Variants in TMEM255B observed in about 807,000 individuals in gnomAD.
TMEM255B encodes family with sequence similarity 70, member B.
Under a neutral mutation model 34.5 loss-of-function variants are expected in TMEM255B, and 35 were observed. The observed-to-expected ratio is 1.01, with a 90% confidence interval of 0.77 to 1.34. The LOEUF (loss-of-function observed/expected upper bound fraction) is 1.34, where lower values mean the gene tolerates loss of function less well. Ranked by LOEUF, TMEM255B falls within the 40% of genes most tolerant of loss-of-function variation. The pLI is 0.00. For missense variants in TMEM255B, 432 were observed against 433.2 expected (o/e 1.00, Z 0.02); for synonymous variants, 206 against 201.2 (o/e 1.02, Z -0.20).
At position 113,816,148 on chromosome 13, in the gene TMEM255B, TTACTGGTCAGGGACACGAG is replaced by T; in HGVS notation, c.*4247_*4265del. ...GTGTTCTGGATGGGGAGAGGTGCAG[TTACTGGTCAGGGACACGAG>T]TTCTTTTCGGGGAGGCAAGCGTGTT... On this transcript the variant is annotated 3_prime_UTR_variant, in exon 9 of 9. Coordinates refer to ENST00000375353, the MANE Select transcript of TMEM255B (RefSeq NM_182614.4). The T allele has an allele frequency of 6.2e-6, 1 of 162,094 alleles. No homozygotes were observed. The highest frequency in any genetic ancestry group is 2.6e-5 in the African/African-American group (1 of 38,986). 10.0% of individuals were successfully genotyped at this position (162,094 alleles called of 1,614,324 possible).
At chr13:113,801,935 T>C in intron 7 of TMEM255B, 123 bp downstream of exon 7, 2 of 1,160,678 alleles carry the variant, frequency 1.7e-6, no homozygotes, top group South Asian at 3.3e-5. Flanking sequence ...AGCCCATGCG[T>C]CTGTCAGCAG....
intron 1 of TMEM255B, among the ~76,000 whole-genome samples, chr13:113,762,118 A>AAG (rs1296493956): frequency 3.3e-5 from 5 of 151,524 alleles, no homozygotes; most frequent in Admixed American, 2.0e-4. Flanking sequence ...AAAAAAAAAA[A>AAG]TCAAGGAAAT....
rs1435220693 is a variant in TMEM255B at position 113,799,870 on chromosome 13, G to T, written c.423+451G>T. The T allele has an allele frequency of 3.0e-6, 3 of 986,570 alleles. No individual in the cohort carries two copies. In the African/African-American group the frequency reaches 5.0e-5, roughly 16 times the overall value. 61.1% of individuals were successfully genotyped at this position (986,570 alleles called of 1,614,324 possible). On this transcript the variant is annotated intron_variant, in intron 5 of 8. Transcript: ENST00000375353. ...CGCGGGCGGCCGCCGCCTTCGCCAG[G>T]ACCGTCGGAGGGCACAGCTCTGTGA...
intron 3 of TMEM255B, among the ~76,000 whole-genome samples, chr13:113,778,630 G>A (rs1487290152): frequency 6.6e-6 from 1 of 151,510 alleles, no homozygotes; most frequent in Non-Finnish European, 1.5e-5. Context: ...CTGCTGTAAT[G>A]ATATGACGAT....
rs781089433 is a variant in TMEM255B, at chr13:113,766,125, G to A, written c.57G>A (p.Ser19=). The change falls in exon 2 of 9, where the codon TCG becomes TCA. Residue 19 remains serine, a synonymous_variant. Coordinates refer to ENST00000375353, the MANE Select transcript of TMEM255B (RefSeq NM_182614.4). ...LGLLDPAEGL[S]RRKKTSLWFV... ...CCTTCCTCCCCACAGAAGGGCTTTC[G>A]AGGAGGAAGAAGACGTCGCTCTGGT... 8.5e-5 allele frequency: 137 copies of A among 1,614,186 alleles called. No individual in the cohort carries two copies. Among genetic ancestry groups the A allele is most frequent in the Middle Eastern group, 3.3e-4 (2 of 6,054 alleles).
intron 8 of TMEM255B, among the ~76,000 whole-genome samples, chr13:113,809,137 A>T (rs1213453244): frequency 1.9e-4 from 8 of 42,708 alleles, no homozygotes; most frequent in South Asian, 1.0e-3. Flanking sequence ...TCCTGGGGGG[A>T]GGGGTTACTC....
At position 113,806,939 on chromosome 13, in the gene TMEM255B, G is replaced by A. The variant is rs1029267398; in HGVS notation, c.813+1911G>A. ...GGAATCGCATGGGTGCCAAGAACGT[G>A]CAGCCCAGAGCATAGCCTCGGTGGC... On this transcript the variant is annotated intron_variant, in intron 8 of 8. Transcript: ENST00000375353. This position sits in a 1 kb window ranked among gnomAD's most constrained non-coding sequence, Gnocchi z 4.2. Among the ~76,000 whole-genome samples the A allele has an allele frequency of 6.6e-6, 1 of 152,188 alleles. No homozygotes were observed. Among genetic ancestry groups the A allele is most frequent in the Admixed American group, 6.5e-5 (1 of 15,290 alleles).
intron 6 of TMEM255B, 97 bp from the exon 7 acceptor site, chr13:113,801,556 C>G: frequency 7.2e-7 from 1 of 1,391,702 alleles, no homozygotes; most frequent in Non-Finnish European, 9.6e-7. Flanking sequence ...TGATTTCCTC[C>G]CCCAGCCCTG....
intron 3 of TMEM255B, among the ~76,000 whole-genome samples, chr13:113,791,329 C>G (rs552999410): frequency 3.7e-4 from 57 of 152,354 alleles, no homozygotes; most frequent in African/African-American, 1.4e-3. Flanking sequence ...CTGAAAGTGG[C>G]CGGGGCATCT....
intron 3 of TMEM255B, among the ~76,000 whole-genome samples, chr13:113,782,974 G>A (rs921408159): frequency 6.6e-6 from 1 of 152,134 alleles, no homozygotes; most frequent in African/African-American, 2.4e-5. Context: ...TTCCTCGTTT[G>A]TGTTGTTAAA....
Position 113,799,431 on chromosome 13 carries a change from C to T in TMEM255B, c.423+12C>T, listed in dbSNP as rs1013145351. The T allele has an allele frequency of 6.2e-7, 1 of 1,612,262 alleles. No homozygotes were observed. Among genetic ancestry groups the T allele is most frequent in the African/African-American group, 1.3e-5 (1 of 74,904 alleles). ...TCTACCAGACAGAGGTGAGCAGGAG[C>T]ACTGAGATTCATGTGGGTTTTGCTC... On this transcript the variant is annotated intron_variant, in intron 5 of 8. Coordinates refer to ENST00000375353, the MANE Select transcript of TMEM255B (RefSeq NM_182614.4).
chr13:113,781,183 T>C (rs1252942026), intron 3 of TMEM255B, among the ~76,000 whole-genome samples: 2 of 152,244 alleles, frequency 1.3e-5, no homozygotes, highest in Non-Finnish European at 2.9e-5. Context: ...TATAACTCTT[T>C]ACAATTTTTG....
intron 3 of TMEM255B, among the ~76,000 whole-genome samples, chr13:113,771,340 G>A (rs562551286): frequency 1.3e-4 from 20 of 152,306 alleles, no homozygotes; most frequent in African/African-American, 4.8e-4. Context: ...TGCGCATGGT[G>A]TCTTTAAGCT....
Position 113,814,854 on chromosome 13 carries a change from G to A in TMEM255B, c.*2951G>A, listed in dbSNP as rs1369894844. ...CGGGAGATGGGGTGGAGGGGATGGT[G>A]GGGCAGGGGGTGCTGGGGGGTTTGG... On this transcript the variant is annotated 3_prime_UTR_variant, in exon 9 of 9. Coordinates refer to ENST00000375353, the MANE Select transcript of TMEM255B (RefSeq NM_182614.4). 1.3e-5 allele frequency: 2 copies of A among 151,208 alleles called. No homozygotes were observed. Among genetic ancestry groups the A allele is most frequent in the Non-Finnish European group, 2.9e-5 (2 of 67,838 alleles). 9.4% of individuals were successfully genotyped at this position (151,208 alleles called of 1,614,324 possible). A position where few individuals can be genotyped will look rare whatever the true frequency, so the allele number is the denominator to read the frequency against.
At chr13:113,788,878 C>T (rs934372152) in intron 3 of TMEM255B, among the ~76,000 whole-genome samples, 13 of 152,122 alleles carry the variant, frequency 8.5e-5, no homozygotes, top group African/African-American at 2.4e-4. Context: ...CCGGGGGCCG[C>T]GCCGCGCCTC....
chr13:113,788,416 A>G (rs1190732088), intron 3 of TMEM255B, among the ~76,000 whole-genome samples: 1 of 106,024 alleles, frequency 9.4e-6, no homozygotes, highest in Non-Finnish European at 1.8e-5. Context: ...AGGCTGCATC[A>G]GGTGCCTCTC....
Position 113,765,797 on chromosome 13 carries a change from CA to C in TMEM255B, c.47-317del, listed in dbSNP as rs1208287674. Reference sequence around the variant, plus strand: ...GATGCTCCTGTCCTCCTGGGGACACCAGGGGGAGAAAGTCAGATAGAGGAAG... The same window carrying C: ...GATGCTCCTGTCCTCCTGGGGACACCGGGGGAGAAAGTCAGATAGAGGAAG... On this transcript the variant is annotated intron_variant, in intron 1 of 8. Coordinates refer to ENST00000375353, the MANE Select transcript of TMEM255B (RefSeq NM_182614.4). Among the ~76,000 whole-genome samples, 5 of 152,146 alleles carry C rather than the reference CA, an allele frequency of 3.3e-5. No homozygotes were observed. In the East Asian group the frequency reaches 7.7e-4, roughly 23 times the overall value.
Position 113,790,688 on chromosome 13 carries a change from G to A in TMEM255B, c.253-4460G>A, listed in dbSNP as rs796325075. The stretch of plus-strand genomic sequence containing the variant: ...TGGACATCCTAGCACTGAACTGACT[G>A]GACACATGGACATCCTAGCTGTGGA... On this transcript the variant is annotated intron_variant, in intron 3 of 8. Transcript: ENST00000375353. Among the ~76,000 whole-genome samples the A allele has an allele frequency of 8.0e-4, 59 of 73,342 alleles. No homozygotes were observed. In the South Asian group the frequency reaches 0.026, roughly 33 times the overall value. 48.1% of individuals were successfully genotyped at this position (73,342 alleles called of 152,430 possible).
intron 3 of TMEM255B, among the ~76,000 whole-genome samples, chr13:113,790,654 C>G (rs1376419281): frequency 6.8e-6 from 1 of 147,668 alleles, no homozygotes; most frequent in African/African-American, 2.6e-5. Flanking sequence ...TGTGGACTGA[C>G]CGGACACGTG....
Sources: gnomAD v4.1 joint callset for allele counts (sites outside exome capture counted in the v4.1 genomes callset) on GRCh38, gnomAD v4.1.1 for gene constraint, Gnocchi (gnomAD v3.1) non-coding constraint, MANE v1.5 for transcripts, NCBI Gene and HGNC (gene_info 2026-07-23, HGNC 2026-07-21) for gene names.